C1orf94: variants seen among roughly 807,000 people sequenced by gnomAD.
The protein encoded by C1orf94 is uncharacterized protein C1orf94.
A neutral mutation model predicts 53.6 loss-of-function variants in C1orf94; 45 were observed. The observed-to-expected ratio is 0.84, with a 90% CI of 0.66 to 1.08. C1orf94 has a LOEUF of 1.08. Ranked by LOEUF, C1orf94 falls within the 50% of genes least tolerant of loss-of-function variation. The probability of loss-of-function intolerance (pLI) is 0.00; values close to 1 mark genes in which losing one functional copy is unlikely to be tolerated. For missense variants in C1orf94, 762 were observed against 738.9 expected, an observed-to-expected ratio of 1.03 and a Z score of -0.36; for synonymous variants, 304 against 296.1, an observed-to-expected ratio of 1.03 and a Z score of -0.27.
chr1:34,201,943 A>G, intron 3 of C1orf94, 141 bp from the exon 4 acceptor site: 1 of 733,826 alleles, frequency 1.4e-6, no homozygotes, highest in Non-Finnish European at 2.2e-6. Context: ...GAAATGTACT[A>G]GAACTTTGAA....
chr1:34,197,642 G>A lies in C1orf94; in HGVS notation c.738G>A (p.Lys246=), dbSNP rs1392560373. The change falls in exon 2 of 7, where the codon AAG becomes AAA. Residue 246 remains lysine, a synonymous_variant. Transcript: ENST00000488417. The surrounding 1 kb of genome is among the most constrained non-coding windows in gnomAD (Gnocchi z 4.1). ...AGCTTCTGTCCCAGTTCCCACTGAAGTCCACTGAGACATCCAAGGTCCCTG... is the reference window on the plus strand; with the variant it reads ...AGCTTCTGTCCCAGTTCCCACTGAAATCCACTGAGACATCCAAGGTCCCTG... The part of the protein sequence containing the change: ...VSKLLSQFPL[K]STETSKVPDN... 2 of 1,614,038 alleles carry A rather than the reference G, an allele frequency of 1.2e-6. No individual in the cohort carries two copies. Among genetic ancestry groups the A allele is most frequent in the African/African-American group, 2.7e-5 (2 of 74,934 alleles).
At chr1:34,208,284 G>T in intron 5 of C1orf94, 50 bp downstream of exon 5, 1 of 1,566,994 alleles carries the variant, frequency 6.4e-7, no homozygotes, top group Non-Finnish European at 8.7e-7. Context: ...AAGGCCTTTG[G>T]GTCAGAGGGT....
Position 34,202,119 on chromosome 1 carries a change from C to A in C1orf94, c.1306C>A (p.Pro436Thr), listed in dbSNP as rs375505288. The change falls in exon 4 of 7, where the codon CCG (proline) becomes ACG (threonine). Residue 436 changes from proline to threonine, a missense_variant. Transcript: ENST00000488417. ...APVTVADKNN[P>T]KYTGNVFTPH... Reference sequence around the variant, plus strand: ...TGTGACGGTTGCTGACAAGAACAACCCGAAGTACACAGGGAATGTTTTCAC... The same window carrying A: ...TGTGACGGTTGCTGACAAGAACAACACGAAGTACACAGGGAATGTTTTCAC... The A allele has an allele frequency of 1.7e-5, 27 of 1,614,022 alleles. No homozygotes were observed. The highest frequency in any genetic ancestry group is 3.3e-5 in the Admixed American group (2 of 60,000).
chr1:34,210,458 C>G (rs1642871318), intron 5 of C1orf94, among the ~76,000 whole-genome samples: 1 of 152,136 alleles, frequency 6.6e-6, no homozygotes, highest in Non-Finnish European at 1.5e-5. Context: ...TCCGGGCTTA[C>G]CCTGCTGGGG....
intron 1 of C1orf94, among the ~76,000 whole-genome samples, chr1:34,193,613 C>T (rs891703929): frequency 2.0e-5 from 3 of 152,230 alleles, no homozygotes; most frequent in Admixed American, 2.0e-4. Context: ...CAAGTCCCTA[C>T]ATCAGCTTCT....
chr1:34,190,413 A>G (rs932593769), intron 1 of C1orf94, among the ~76,000 whole-genome samples: 1 of 152,074 alleles, frequency 6.6e-6, no homozygotes, highest in African/African-American at 2.4e-5. Context: ...CTCCACCTCC[A>G]TTCATGTGCC....
At chr1:34,174,701 G>C (rs868108773), upstream of C1orf94, among the ~76,000 whole-genome samples, 8 of 152,168 alleles carry the variant, frequency 5.3e-5, no homozygotes, top group Non-Finnish European at 4.4e-5. Context: ...CCAACATCTT[G>C]GTCTTGGCCT....
At chr1:34,189,225 T>TGCATGGCTGTGGTATGTGG (rs2148614800) in intron 1 of C1orf94, among the ~76,000 whole-genome samples, 1 of 152,174 alleles carries the variant, frequency 6.6e-6, no homozygotes, top group African/African-American at 2.4e-5. Flanking sequence ...TATATTTGTG[T>TGCATGGCTGTGGTATGTGG]GCATGGCTGT....
At chr1:34,215,014 G>GA (rs987912596) in intron 6 of C1orf94, among the ~76,000 whole-genome samples, 1 of 151,728 alleles carries the variant, frequency 6.6e-6, no homozygotes, top group East Asian at 1.9e-4. Context: ...TGAAGTGAAC[G>GA]AAAAAAAGGT....
At chr1:34,182,789 G>A (rs1027395708) in intron 1 of C1orf94, among the ~76,000 whole-genome samples, 7 of 152,156 alleles carry the variant, frequency 4.6e-5, no homozygotes, top group Non-Finnish European at 7.3e-5. Flanking sequence ...GGGGAGTGTA[G>A]GGCCTCAGAG....
At chr1:34,217,074 T>C (rs2148624924) in intron 6 of C1orf94, among the ~76,000 whole-genome samples, 2 of 152,324 alleles carry the variant, frequency 1.3e-5, no homozygotes, top group South Asian at 4.2e-4. Context: ...AGTAAGACTC[T>C]GTTTCAAATA....
At chr1:34,189,890 A>C (rs1015777796) in intron 1 of C1orf94, among the ~76,000 whole-genome samples, 1 of 152,248 alleles carries the variant, frequency 6.6e-6, no homozygotes, top group African/African-American at 2.4e-5. Context: ...GTCACCCGTC[A>C]GAAAGGACAG....
chr1:34,194,404 G>A (rs978383635), intron 1 of C1orf94, among the ~76,000 whole-genome samples: 1 of 152,138 alleles, frequency 6.6e-6, no homozygotes, highest in African/African-American at 2.4e-5. Flanking sequence ...GTTGGGGAGG[G>A]CAGGAGTGAC....
At chr1:34,167,948 GT>G (rs1642076408) in intron 1 of C1orf94, among the ~76,000 whole-genome samples, 1 of 152,152 alleles carries the variant, frequency 6.6e-6, no homozygotes, top group East Asian at 1.9e-4. Context: ...CCTGGGTGCT[GT>G]GCTAGACAAT....
Position 34,201,614 on chromosome 1 carries a change from A to G in C1orf94, c.1271-470A>G, listed in dbSNP as rs562808399. On this transcript the variant is annotated intron_variant, in intron 3 of 6. Transcript: ENST00000488417. ...TATAATTTTTAAAATTCCCATATAG[A>G]TACAACAACCTGTGAAAGTTTCTTA... Among the ~76,000 whole-genome samples the G allele has an allele frequency of 9.6e-4, 146 of 152,194 alleles. 1 individual carries two copies. Among genetic ancestry groups the G allele is most frequent in the Non-Finnish European group, 1.8e-3 (124 of 68,036 alleles).
chr1:34,179,833 G>C (rs1250397224), intron 1 of C1orf94, among the ~76,000 whole-genome samples: 2 of 152,208 alleles, frequency 1.3e-5, no homozygotes, highest in African/African-American at 4.8e-5. Flanking sequence ...GTGGAGTCAA[G>C]TGGGCTGGTT....
chr1:34,189,613 C>G (rs889926955), intron 1 of C1orf94, among the ~76,000 whole-genome samples: 1 of 149,060 alleles, frequency 6.7e-6, no homozygotes, highest in Admixed American at 6.7e-5. Flanking sequence ...CCGGCCTTGG[C>G]CTGAGCCAGG....
intron 1 of C1orf94, among the ~76,000 whole-genome samples, chr1:34,188,251 A>G (rs1642418402): frequency 6.6e-6 from 1 of 152,244 alleles, no homozygotes; most frequent in South Asian, 2.1e-4. Flanking sequence ...GGCTTAAAAG[A>G]TAACTGTCTG....
intron 1 of C1orf94, among the ~76,000 whole-genome samples, chr1:34,184,576 T>G (rs564199662): frequency 2.1e-4 from 32 of 152,368 alleles, no homozygotes; most frequent in South Asian, 8.3e-4. Context: ...GTTTATTGAT[T>G]GGCAGCTTTC....
Sources: gnomAD v4.1 joint callset for allele counts (sites outside exome capture counted in the v4.1 genomes callset) on GRCh38, gnomAD v4.1.1 for gene constraint, Gnocchi (gnomAD v3.1) non-coding constraint, MANE v1.5 for transcripts, NCBI Gene and HGNC (gene_info 2026-07-23, HGNC 2026-07-21) for gene names.